The following PIAS2 variants were observed in gnomAD, a reference collection of about 807,000 sequenced individuals.
PIAS2 encodes protein inhibitor of activated STAT 2.
PIAS2 carries 19 observed loss-of-function variants against 69.7 expected under a neutral mutation model. That is an observed-to-expected ratio of 0.27 (90% CI 0.19 to 0.40). PIAS2 has a LOEUF of 0.40. Among genes scored for constraint, PIAS2 ranks in the 10% least tolerant of loss-of-function variants. The probability of loss-of-function intolerance (pLI) is 1.00; values close to 1 mark genes in which losing one functional copy is unlikely to be tolerated. For missense variants in PIAS2, 624 were observed against 757.0 expected, an observed-to-expected ratio of 0.82 and a Z score of 2.06; for synonymous variants, 261 against 263.2, an observed-to-expected ratio of 0.99 and a Z score of 0.08.
intron 2 of PIAS2, among the ~76,000 whole-genome samples, chr18:46,864,920 T>C (rs971409577): frequency 6.6e-6 from 1 of 152,196 alleles, no homozygotes; most frequent in African/African-American, 2.4e-5. Context: ...TTTTGTTTAT[T>C]TTTCTTTGTT....
chr18:46,864,276 A>C, intron 2 of PIAS2, 28 bp from the exon 3 acceptor site: 1 of 1,450,276 alleles, frequency 6.9e-7, no homozygotes, highest in Non-Finnish European at 9.4e-7. Context: ...AAGAAAGATA[A>C]TATTTCAATA....
chr18:46,891,573 A>G (rs1248654201), intron 1 of PIAS2: 2 of 482,408 alleles, frequency 4.1e-6, no homozygotes, highest in Admixed American at 1.3e-4. Context: ...TTTTTACCCC[A>G]ATTCAAACAT....
rs869149927 is a variant in PIAS2, at chr18:46,807,383, A to ATATATATATTTT, written c.*5049_*5050insAAAATATATATA. The ATATATATATTTT allele has an allele frequency of 1.7e-4, 2 of 11,600 alleles. No homozygotes were observed. The highest frequency in any genetic ancestry group is 5.4e-4 in the African/African-American group (1 of 1,846). 0.7% of individuals were successfully genotyped at this position (11,600 alleles called of 1,614,324 possible). On this transcript the variant is annotated 3_prime_UTR_variant, in exon 14 of 14. Coordinates refer to ENST00000585916, the MANE Select transcript of PIAS2 (RefSeq NM_004671.5). ...TATATATATATATATATATATATAT[A>ATATATATATTTT]TTTTTTTTTTTTTTTTTTTTTTTTT...
intron 10 of PIAS2, among the ~76,000 whole-genome samples, chr18:46,828,573 A>G (rs2043144761): frequency 6.6e-6 from 1 of 152,234 alleles, no homozygotes; most frequent in Non-Finnish European, 1.5e-5. Context: ...GCTCAGAACC[A>G]GATATTTCCA....
chr18:46,919,517 C>T (rs1240191019), upstream of PIAS2, among the ~76,000 whole-genome samples: 1 of 151,236 alleles, frequency 6.6e-6, no homozygotes, highest in Non-Finnish European at 1.5e-5. Context: ...GGTGTGGTGG[C>T]ACATGCCTGT....
intron 1 of PIAS2, among the ~76,000 whole-genome samples, chr18:46,911,268 T>G (rs921721769): frequency 6.7e-6 from 1 of 149,770 alleles, no homozygotes; most frequent in South Asian, 2.1e-4. Context: ...CAGCCTGGAG[T>G]GCAATGACAT....
chr18:46,836,610 CAAG>C lies in PIAS2; in HGVS notation c.1042-96_1042-94del, dbSNP rs1384116529. On this transcript the variant is annotated intron_variant, in intron 8 of 13. Coordinates refer to ENST00000585916, the MANE Select transcript of PIAS2 (RefSeq NM_004671.5). ...GTTGTAAAAGTCGGAAGATGTCATA[CAAG>C]AAGATGATAAAAATGAAATAGAAAT... is the stretch of plus-strand genomic sequence containing the variant. 176 of 784,078 alleles carry C rather than the reference CAAG, an allele frequency of 2.2e-4. 1 individual carries two copies. The highest frequency in any genetic ancestry group is 2.1e-4 in the Admixed American group (9 of 41,958). 48.6% of individuals were successfully genotyped at this position (784,078 alleles called of 1,614,324 possible).
chr18:46,824,650 T>C (rs1173683818), intron 11 of PIAS2, among the ~76,000 whole-genome samples: 1 of 152,120 alleles, frequency 6.6e-6, no homozygotes, highest in African/African-American at 2.4e-5. Flanking sequence ...TCTTGGTGCT[T>C]TGTAAAATTG....
At chr18:46,832,383 T>C (rs1161133122) in intron 9 of PIAS2, among the ~76,000 whole-genome samples, 2 of 151,258 alleles carry the variant, frequency 1.3e-5, no homozygotes, top group African/African-American at 4.9e-5. Flanking sequence ...GCCACTGCAC[T>C]CCAGCCTGGG....
intron 6 of PIAS2, 198 bp downstream of exon 6, chr18:46,846,506 AGAT>A (rs889807760): frequency 2.5e-6 from 1 of 401,730 alleles, no homozygotes; most frequent in African/African-American, 2.0e-5. Context: ...GAAAATAAAG[AGAT>A]GATATTCAGG....
intron 6 of PIAS2, 29 bp downstream of exon 6, chr18:46,846,678 T>C: frequency 6.3e-7 from 1 of 1,595,358 alleles, no homozygotes; most frequent in South Asian, 1.1e-5. Context: ...GGGGTCACTG[T>C]CCTGCTACCC....
chr18:46,897,124 G>A (rs1372599115), intron 1 of PIAS2, among the ~76,000 whole-genome samples: 1 of 152,104 alleles, frequency 6.6e-6, no homozygotes, highest in Non-Finnish European at 1.5e-5. Context: ...TGGGCATGTG[G>A]GGACTCTACC....
At chr18:46,835,176 T>C (rs1215157760) in intron 9 of PIAS2, among the ~76,000 whole-genome samples, 2 of 152,120 alleles carry the variant, frequency 1.3e-5, no homozygotes, top group East Asian at 3.9e-4. Context: ...AATAATCATC[T>C]CTCTCTACAT....
chr18:46,897,481 T>G (rs2055081794), intron 1 of PIAS2, among the ~76,000 whole-genome samples: 1 of 152,194 alleles, frequency 6.6e-6, no homozygotes, highest in African/African-American at 2.4e-5. Context: ...TCAAACCGAT[T>G]AAATATAGTA....
Position 46,855,103 on chromosome 18 carries a change from TAA to T in PIAS2, c.726+240_726+241del, listed in dbSNP as rs59957336. Among the ~76,000 whole-genome samples, 401 of 76,338 alleles carry T rather than the reference TAA, an allele frequency of 5.3e-3. 3 individuals are homozygous for T. Among genetic ancestry groups the T allele is most frequent in the Non-Finnish European group, 7.7e-3 (335 of 43,604 alleles). The allele number at this position is 76,338 out of a possible 152,430, so 50.1% of individuals were successfully genotyped here. Reference sequence around the variant, plus strand: ...GGAACACAGTAGGACCTTGTCTCTTTAAAAAAAAAAAAAAAAAAAAAAAAAAA... The same window carrying T: ...GGAACACAGTAGGACCTTGTCTCTTTAAAAAAAAAAAAAAAAAAAAAAAAA... On this transcript the variant is annotated intron_variant, in intron 5 of 13. Transcript: ENST00000585916.
intron 1 of PIAS2, chr18:46,891,737 T>C: frequency 1.9e-6 from 1 of 517,324 alleles, no homozygotes; most frequent in Non-Finnish European, 2.5e-6. Flanking sequence ...AAATGAGCAG[T>C]CATCAATCTT....
At chr18:46,912,532 T>C (rs1443161802) in intron 1 of PIAS2, among the ~76,000 whole-genome samples, 1 of 152,160 alleles carries the variant, frequency 6.6e-6, no homozygotes, top group East Asian at 1.9e-4. Context: ...ATATACTGTC[T>C]AAAAGTGATA....
At chr18:46,908,011 T>C (rs1336103441) in intron 1 of PIAS2, 1 of 152,192 alleles carries the variant, frequency 6.6e-6, no homozygotes, top group South Asian at 2.1e-4. Flanking sequence ...ATATTTAGAG[T>C]GCTGGTAATG....
intron 2 of PIAS2, among the ~76,000 whole-genome samples, chr18:46,878,933 T>C (rs573022305): frequency 1.3e-5 from 2 of 152,354 alleles, no homozygotes; most frequent in East Asian, 1.9e-4. Flanking sequence ...CAGGGGCTCA[T>C]ACTATGGCTA....
Sources: allele counts gnomAD v4.1 joint callset (sites outside exome capture counted in the v4.1 genomes callset), GRCh38; gene constraint gnomAD v4.1.1; transcripts MANE v1.5; gene names NCBI Gene and HGNC (gene_info 2026-07-23, HGNC 2026-07-21).